Variants in ELAC2 observed in about 807,000 individuals in gnomAD.
ELAC2 encodes elaC ribonuclease Z 2, also known as zinc phosphodiesterase ELAC protein 2.
Under a neutral mutation model 105.2 loss-of-function variants are expected in ELAC2, and 92 were observed. The observed-to-expected ratio is 0.87, with a 90% confidence interval of 0.74 to 1.04. ELAC2 has a LOEUF of 1.04. Ranked by LOEUF, ELAC2 falls within the 50% of genes least tolerant of loss-of-function variation. ELAC2 has a pLI of 0.00. For missense variants in ELAC2, 1,099 were observed against 1,071.7 expected (o/e 1.03, Z -0.36); for synonymous variants, 468 against 409.1 (o/e 1.14, Z -1.74).
Position 13,016,905 on chromosome 17 carries a change from T to A in ELAC2, c.324A>T (p.Ile108=), listed in dbSNP as rs2041762217. ...HKLKVARLDN[I]FLTRMHWSNV... Reference sequence around the variant, plus strand: ...TAGACCAGTGCATTCGTGTCAGGAATATGTTGTCCAGGCGAGCAACCTTTA... The same window carrying A: ...TAGACCAGTGCATTCGTGTCAGGAAAATGTTGTCCAGGCGAGCAACCTTTA... Residue 108 remains isoleucine (I), a synonymous_variant, in exon 3 of 24, where the codon ATA becomes ATT. Coordinates refer to ENST00000338034, the MANE Select transcript of ELAC2 (RefSeq NM_018127.7). The A allele has an allele frequency of 6.2e-7, 1 of 1,614,174 alleles. No homozygotes were observed. Among genetic ancestry groups the A allele is most frequent in the Non-Finnish European group, 8.5e-7 (1 of 1,180,026 alleles).
chr17:13,012,550 T>C (rs1044174296), intron 6 of ELAC2, among the ~76,000 whole-genome samples: 1 of 152,198 alleles, frequency 6.6e-6, no homozygotes, highest in Admixed American at 6.5e-5. Context: ...AGTGTAAGCC[T>C]CATCTCCTCG....
intron 21 of ELAC2, 60 bp downstream of exon 21, chr17:12,994,704 A>G: frequency 1.2e-6 from 2 of 1,612,270 alleles, no homozygotes; most frequent in Non-Finnish European, 1.7e-6. Flanking sequence ...ACCTGCATTC[A>G]CCTCCAGCTA....
At chr17:12,999,988 C>T (rs2040689709) in intron 15 of ELAC2, among the ~76,000 whole-genome samples, 168 bp downstream of exon 15, 1 of 152,152 alleles carries the variant, frequency 6.6e-6, no homozygotes, top group Admixed American at 6.5e-5. Context: ...CCCCAAAGCC[C>T]CCTCCTCCAA....
chr17:13,012,263 T>C (rs539545244), intron 6 of ELAC2, among the ~76,000 whole-genome samples: 10 of 152,316 alleles, frequency 6.6e-5, no homozygotes, highest in African/African-American at 2.2e-4. Flanking sequence ...TCGGCAAAAC[T>C]GAGCATGTTA....
Position 12,994,433 on chromosome 17 carries a change from C to G in ELAC2, c.2100G>C (p.Lys700Asn), listed in dbSNP as rs2040363391. Residue 700 changes from lysine to asparagine, a missense_variant, in exon 22 of 24, where the codon AAG becomes AAC. By Grantham distance (94) the Lys-to-Asn change is moderately conservative. Coordinates refer to ENST00000338034, the MANE Select transcript of ELAC2 (RefSeq NM_018127.7). ...TGACCGGCCTTTGCTACCTGTGTGT[C>G]TTTTCCACTGCTTCCTCTTCCAAAC... ...EDGLEEEAVE[K>N]THSTTSQAIS... The G allele has an allele frequency of 6.2e-7, 1 of 1,614,062 alleles. No individual in the cohort carries two copies. Among genetic ancestry groups the G allele is most frequent in the African/African-American group, 1.3e-5 (1 of 74,916 alleles).
rs577745130 is a variant in ELAC2, at chr17:12,998,298, C to G, written c.1520+114G>C. 2.7e-5 allele frequency: 28 copies of G among 1,029,122 alleles called. No individual in the cohort carries two copies. The South Asian group carries it at 3.6e-4, about 13-fold the overall frequency. The allele number at this position is 1,029,122 out of a possible 1,614,324, so 63.7% of individuals were successfully genotyped here. On this transcript the variant is annotated intron_variant, in intron 16 of 23. Coordinates refer to ENST00000338034, the MANE Select transcript of ELAC2 (RefSeq NM_018127.7). ...CTCCTGGACACTCCAGTCGACATGA[C>G]AAGTGACAGGGCTTGATACCGCATT...
intron 8 of ELAC2, chr17:13,006,350 CA>C (rs2143630393): frequency 4.6e-6 from 1 of 217,370 alleles, no homozygotes; most frequent in East Asian, 1.1e-4. Context: ...GCCTAGGCAA[CA>C]AAAGCGAAAG....
At chr17:13,013,032 G>A (rs1335432430) in intron 6 of ELAC2, among the ~76,000 whole-genome samples, 175 bp downstream of exon 6, 6 of 152,174 alleles carry the variant, frequency 3.9e-5, no homozygotes, top group African/African-American at 1.4e-4. Context: ...TCAGACATCC[G>A]TAAGTTTATA....
rs1272446494 is a variant in ELAC2 at position 13,017,856 on chromosome 17, C to T, written c.92G>A (p.Arg31Gln). 5 of 1,564,748 alleles carry T rather than the reference C, an allele frequency of 3.2e-6. No homozygotes were observed. Among genetic ancestry groups the T allele is most frequent in the East Asian group, 2.4e-5 (1 of 42,282 alleles). The change falls in exon 1 of 24, where the codon CGG becomes CAG. Residue 31 changes from arginine to glutamine, a missense_variant. By Grantham distance (43) the Arg-to-Gln change is conservative. Transcript: ENST00000338034. The stretch of plus-strand genomic sequence containing the variant: ...GTGCCGCAGCGGGTCCTTGCGCGGC[C>T]GCTCGCGGCGGGCGGGTGCCTGCGA... ...TISQAPARRE[R>Q]PRKDPLRHLR...
chr17:13,010,644 T>C lies in ELAC2; in HGVS notation c.707A>G (p.Asp236Gly), dbSNP rs781449705. The part of the protein sequence containing the change: ...HGVSQRRGVR[D>G]SSLVVAFICK... ...GATGAAAGCTACGACCAGGGAAGAG[T>C]CCCTGACCCCTCTTCTCTGGCTAAC... The change falls in exon 8 of 24, where the codon GAC becomes GGC. Residue 236 changes from aspartate (D) to glycine (G), a missense_variant. By Grantham distance (94) the Asp-to-Gly change is moderately conservative (BLOSUM62 -1). Coordinates refer to ENST00000338034, the MANE Select transcript of ELAC2 (RefSeq NM_018127.7). The C allele has an allele frequency of 8.1e-6, 13 of 1,613,616 alleles. No individual in the cohort carries two copies. Among genetic ancestry groups the C allele is most frequent in the Admixed American group, 3.3e-5 (2 of 59,972 alleles).
intron 8 of ELAC2, chr17:13,006,340 G>A (rs984369484): frequency 8.9e-5 from 22 of 247,540 alleles, no homozygotes; most frequent in Middle Eastern, 3.1e-3. Flanking sequence ...TTGCACTCCA[G>A]CCTAGGCAAC....
chr17:13,007,194 A>G (rs1455855508), intron 8 of ELAC2, among the ~76,000 whole-genome samples: 1 of 152,154 alleles, frequency 6.6e-6, no homozygotes, highest in East Asian at 1.9e-4. Flanking sequence ...AAAACTTCAC[A>G]ATCATTTTAT....
At chr17:12,999,383 C>T (rs1292489060) in intron 15 of ELAC2, among the ~76,000 whole-genome samples, 1 of 152,214 alleles carries the variant, frequency 6.6e-6, no homozygotes, top group African/African-American at 2.4e-5. Flanking sequence ...CCCAGGTCTC[C>T]AGTGAAGATG....
At chr17:13,003,785 G>A (rs988341468) in intron 11 of ELAC2, 9 of 587,130 alleles carry the variant, frequency 1.5e-5, no homozygotes, top group Non-Finnish European at 2.5e-5. Context: ...CCTGTATCTG[G>A]CAAGCTCTGC....
chr17:13,014,290 C>CAAAAAAAAAAAAAAAAAAAAAAAAA (rs959230890), intron 5 of ELAC2, 149 bp downstream of exon 5: 1 of 296,434 alleles, frequency 3.4e-6, no homozygotes. Context: ...AGACTCTATC[C>CAAAAAAAAAAAAAAAAAAAAAAAAA]AAAAAAAAAA....
chr17:13,010,899 T>C (rs568034004), intron 7 of ELAC2, among the ~76,000 whole-genome samples: 64 of 152,302 alleles, frequency 4.2e-4, no homozygotes, highest in African/African-American at 1.4e-3. Flanking sequence ...CCAGAAAAAC[T>C]TTAGAATGGC....
chr17:13,002,296 G>A lies in ELAC2; in HGVS notation c.1282C>T (p.Arg428Cys), dbSNP rs775958815. Residue 428 changes from arginine to cysteine, a missense_variant, in exon 14 of 24, where the codon CGT (arginine) becomes TGT (cysteine). Arg to Cys is a radical substitution (Grantham distance 180). Coordinates refer to ENST00000338034, the MANE Select transcript of ELAC2 (RefSeq NM_018127.7). ...GACCTCTGCCACTCCCTCCTGGGAC[G>A]GAGCTGGTACTTGAGGAGGCATTCA... The part of the protein sequence containing the change: ...QGECLLKYQL[R>C]PRREWQRDAI... 15 of 1,614,058 alleles carry A rather than the reference G, an allele frequency of 9.3e-6. No individual in the cohort carries two copies. Among genetic ancestry groups the A allele is most frequent in the East Asian group, 8.9e-5 (4 of 44,896 alleles).
rs1021441356 is a variant in ELAC2 at position 12,994,461 on chromosome 17, T to C, written c.2072A>G (p.Asp691Gly). ...TLLIHEATLE[D>G]GLEEEAVEKT... ...TTCCACTGCTTCCTCTTCCAAACCA[T>C]CTTCCAGGGTGGCTTCATGTATCAG... The change falls in exon 22 of 24, where the codon GAT (aspartate) becomes GGT (glycine). Residue 691 changes from aspartate to glycine, a missense_variant. Transcript: ENST00000338034. 1 of 1,614,154 alleles carries C rather than the reference T, an allele frequency of 6.2e-7. No homozygotes were observed. The highest frequency in any genetic ancestry group is 8.5e-7 in the Non-Finnish European group (1 of 1,180,030).
chr17:13,005,233 T>G, intron 10 of ELAC2, 132 bp from the exon 11 acceptor site: 1 of 742,170 alleles, frequency 1.3e-6, no homozygotes, highest in Non-Finnish European at 2.4e-6. Context: ...AAAACCAACT[T>G]TACACATCAC....
Sources: allele counts gnomAD v4.1 joint callset (sites outside exome capture counted in the v4.1 genomes callset), GRCh38; gene constraint gnomAD v4.1.1; transcripts MANE v1.5; gene names NCBI Gene and HGNC (gene_info 2026-07-23, HGNC 2026-07-21).